The following CD276 variants were observed in gnomAD, a reference collection of about 807,000 sequenced individuals.
The protein encoded by CD276 is CD276 antigen.
Under a neutral mutation model 50.0 loss-of-function variants are expected in CD276, and 34 were observed. The observed-to-expected ratio is 0.68, with a 90% confidence interval of 0.52 to 0.91. The LOEUF (loss-of-function observed/expected upper bound fraction) is 0.91, where lower values mean the gene tolerates loss of function less well. Among genes scored for constraint, CD276 ranks in the 40% least tolerant of loss-of-function variants. The pLI is 0.00. For synonymous variants in CD276, 275 were observed against 313.0 expected, an observed-to-expected ratio of 0.88 and a Z score of 1.28; for missense variants, 634 against 717.5, an observed-to-expected ratio of 0.88 and a Z score of 1.33.
intron 7 of CD276, among the ~76,000 whole-genome samples, chr15:73,709,045 G>C (rs1217673937): frequency 6.6e-6 from 1 of 152,184 alleles, no homozygotes; most frequent in Non-Finnish European, 1.5e-5. Context: ...TCAGAGGCTG[G>C]GGATGGCTGG....
intron 7 of CD276, 181 bp from the exon 8 acceptor site, chr15:73,709,467 T>C (rs1900800209): frequency 1.6e-6 from 1 of 627,322 alleles, no homozygotes; most frequent in African/African-American, 1.9e-5. Context: ...CTTCATGTTG[T>C]CACAGGCTCG....
Position 73,704,438 on chromosome 15 carries a change from G to A in CD276, c.1335G>A (p.Leu445=). The part of the protein sequence containing the change: ...TYSCLVRNPV[L]QQDAHGSVTI... ...GCTGCCTGGTGCGCAACCCCGTGCTGCAGCAGGATGCGCACGGCTCTGTCA... is the reference window on the plus strand; with the variant it reads ...GCTGCCTGGTGCGCAACCCCGTGCTACAGCAGGATGCGCACGGCTCTGTCA... The change falls in exon 6 of 10, where the codon CTG becomes CTA. Residue 445 remains leucine, a synonymous_variant. Transcript: ENST00000318443. The surrounding 1 kb of genome is among the most constrained non-coding windows in gnomAD (Gnocchi z 4.1). The A allele has an allele frequency of 6.2e-7, 1 of 1,613,836 alleles. No individual in the cohort carries two copies.
At chr15:73,699,747 G>A (rs774729639) in intron 2 of CD276, 29 bp downstream of exon 2, 2 of 1,561,908 alleles carry the variant, frequency 1.3e-6, no homozygotes, top group Admixed American at 1.8e-5. Context: ...GGACGGGAGG[G>A]GAGGGACAGT....
rs1900990713 is a variant in CD276, at chr15:73,713,406, C to T, written c.*450C>T. The T allele has an allele frequency of 1.2e-5, 3 of 253,724 alleles. 1 individual carries two copies. In the South Asian group the frequency reaches 1.3e-4, roughly 11 times the overall value. 15.7% of individuals were successfully genotyped at this position (253,724 alleles called of 1,614,324 possible). ...GCATAGTCACCCCGGCCTTGTTTCT[C>T]CAATGGCCGTGATACACTAGTGATC... On this transcript the variant is annotated 3_prime_UTR_variant, in exon 10 of 10. Transcript: ENST00000318443.
chr15:73,686,280 C>T, intron 1 of CD276: 1 of 984,928 alleles, frequency 1.0e-6, no homozygotes, highest in Non-Finnish European at 1.2e-6. Context: ...GACTCCTGTG[C>T]TGTGAGACAT....
At chr15:73,708,511 CTT>C in intron 7 of CD276, 38 bp downstream of exon 7, 1 of 1,587,354 alleles carries the variant, frequency 6.3e-7, no homozygotes, top group Non-Finnish European at 8.6e-7. Flanking sequence ...CGCATGCACA[CTT>C]ATGTGTCTTG....
intron 1 of CD276, among the ~76,000 whole-genome samples, chr15:73,694,433 G>C (rs1014576507): frequency 2.0e-5 from 3 of 151,914 alleles, no homozygotes; most frequent in African/African-American, 4.9e-5. Context: ...ACGGGGAAGA[G>C]AAGGAGGGAA....
Position 73,713,676 on chromosome 15 carries a change from G to C in CD276, c.*720G>C. ...GCTGGAACACGTGTGGTTCCCCCCT[G>C]GCCCAGCCTCCTCTGCAGTGCCCCT... On this transcript the variant is annotated 3_prime_UTR_variant, in exon 10 of 10. Transcript: ENST00000318443. The C allele has an allele frequency of 2.4e-6, 1 of 418,776 alleles. No individual in the cohort carries two copies. Among genetic ancestry groups the C allele is most frequent in the South Asian group, 1.7e-5 (1 of 59,470 alleles). The allele number at this position is 418,776 out of a possible 1,614,324, so 25.9% of individuals were successfully genotyped here. A position where few individuals can be genotyped will look rare whatever the true frequency, so the allele number is the denominator to read the frequency against.
intron 4 of CD276, among the ~76,000 whole-genome samples, chr15:73,703,402 G>A (rs1159265399): frequency 6.6e-6 from 1 of 152,136 alleles, no homozygotes; most frequent in Non-Finnish European, 1.5e-5. Flanking sequence ...TGGAGCTGGT[G>A]AGAGTCACCT....
chr15:73,689,420 C>T (rs1448831225), intron 1 of CD276, among the ~76,000 whole-genome samples: 1 of 151,912 alleles, frequency 6.6e-6, no homozygotes, highest in Non-Finnish European at 1.5e-5. Context: ...GGGAGTGGTG[C>T]CCAGTGGACA....
rs776686900 is a variant in CD276 at position 73,703,742 on chromosome 15, G to C, written c.817G>C (p.Glu273Gln). ...DATLRCSFSP[E>Q]PGFSLAQLNL... ...CACCCTGCGCTGCTCCTTCTCCCCC[G>C]AGCCTGGCTTCAGCCTGGCACAGCT... Residue 273 changes from glutamate (E) to glutamine (Q), a missense_variant, in exon 5 of 10, where the codon GAG (glutamate) becomes CAG (glutamine). Transcript: ENST00000318443. 6.2e-7 allele frequency: 1 copy of C among 1,613,318 alleles called. No homozygotes were observed. The highest frequency in any genetic ancestry group is 1.3e-5 in the African/African-American group (1 of 74,898).
At chr15:73,699,551 T>C (rs759769924) in intron 1 of CD276, 35 bp from the exon 2 acceptor site, 32 of 1,554,454 alleles carry the variant, frequency 2.1e-5, no homozygotes, top group Non-Finnish European at 2.7e-5. Flanking sequence ...GGGAGAACCT[T>C]TGGAGACAAA....
intron 9 of CD276, 28 bp downstream of exon 9, chr15:73,711,198 T>C: frequency 1.2e-6 from 2 of 1,611,634 alleles, no homozygotes; most frequent in African/African-American, 2.7e-5. Context: ...TGAGGTTGTG[T>C]CTGTGTATGC....
rs542810750 is a variant in CD276 at position 73,709,811 on chromosome 15, G to A, written c.1546+122G>A. The A allele has an allele frequency of 2.3e-5, 21 of 932,186 alleles. No homozygotes were observed. In the South Asian group the frequency reaches 3.4e-4, roughly 15 times the overall value. 57.7% of individuals were successfully genotyped at this position (932,186 alleles called of 1,614,324 possible). ...AGGTTTGAATGAAATGTGTTCTGTGGACTCAGACCTCCCCACCCCGGTGAG... is the reference window on the plus strand; with the variant it reads ...AGGTTTGAATGAAATGTGTTCTGTGAACTCAGACCTCCCCACCCCGGTGAG... On this transcript the variant is annotated intron_variant, in intron 8 of 9. Coordinates refer to ENST00000318443, the MANE Select transcript of CD276 (RefSeq NM_001024736.2).
chr15:73,713,949 C>G lies in CD276; in HGVS notation c.*993C>G. ...AAGGACTCCCCATCCAGCTGGGAGA[C>G]AGACAACTAACTACACTGCACCCTG... On this transcript the variant is annotated 3_prime_UTR_variant, in exon 10 of 10. Coordinates refer to ENST00000318443, the MANE Select transcript of CD276 (RefSeq NM_001024736.2). The G allele has an allele frequency of 2.7e-6, 1 of 370,152 alleles. No individual in the cohort carries two copies. The highest frequency in any genetic ancestry group is 5.1e-6 in the Non-Finnish European group (1 of 195,770). The allele number at this position is 370,152 out of a possible 1,614,324, so 22.9% of individuals were successfully genotyped here. A position where few individuals can be genotyped will look rare whatever the true frequency, so the allele number is the denominator to read the frequency against.
chr15:73,702,178 A>G, intron 2 of CD276, 77 bp from the exon 3 acceptor site: 1 of 1,195,300 alleles, frequency 8.4e-7, no homozygotes. Context: ...TGGGGTTAGC[A>G]GGGGCAGGGA....
chr15:73,699,652 CG>C lies in CD276; in HGVS notation c.17del (p.Gly6AlafsTer64). The C allele has an allele frequency of 6.2e-7, 1 of 1,613,492 alleles. No individual in the cohort carries two copies. Among genetic ancestry groups the C allele is most frequent in the South Asian group, 1.1e-5 (1 of 90,992 alleles). MLRR[R>X]GSPGMGVHVG... ...GCCTCACAGGAAGATGCTGCGTCGG[CG>C]GGGCAGCCCTGGCATGGGTGTGCAT... is the stretch of plus-strand genomic sequence containing the variant. On this transcript the variant is annotated frameshift_variant, in exon 2 of 10. Coordinates refer to ENST00000318443, the MANE Select transcript of CD276 (RefSeq NM_001024736.2). LOFTEE classifies it high-confidence loss of function.
At chr15:73,700,786 C>T (rs1285889482) in intron 2 of CD276, among the ~76,000 whole-genome samples, 6 of 151,622 alleles carry the variant, frequency 4.0e-5, no homozygotes, top group Admixed American at 3.9e-4. Context: ...CAAGGTTGAT[C>T]TTCCCACATT....
chr15:73,685,451 ATTTG>A (rs1215129274), intron 1 of CD276, among the ~76,000 whole-genome samples: 10 of 112,860 alleles, frequency 8.9e-5, no homozygotes, highest in Admixed American at 2.7e-4. Context: ...AGCAAAAAAG[ATTTG>A]TGTGTGTGTG....
Sources: gnomAD v4.1 joint callset for allele counts (sites outside exome capture counted in the v4.1 genomes callset) on GRCh38, gnomAD v4.1.1 for gene constraint, Gnocchi (gnomAD v3.1) non-coding constraint, MANE v1.5 for transcripts, NCBI Gene and HGNC (gene_info 2026-07-23, HGNC 2026-07-21) for gene names.